Variants in USP13 observed in about 807,000 individuals in gnomAD.
USP13 encodes ubiquitin specific peptidase 13, also known as ubiquitin carboxyl-terminal hydrolase 13.
USP13 carries 68 observed loss-of-function variants against 107.8 expected under a neutral mutation model. That is an observed-to-expected ratio of 0.63 (90% confidence interval 0.52 to 0.77). USP13 has a LOEUF of 0.77. Among genes scored for constraint, USP13 ranks in the 30% least tolerant of loss-of-function variants. The pLI is 0.00. For missense variants in USP13, 945 were observed against 1,093.3 expected (o/e 0.86, Z 1.91); for synonymous variants, 377 against 389.5 (o/e 0.97, Z 0.38).
At position 179,788,145 on chromosome 3, in the gene USP13, G is replaced by A. The variant is rs1419490538; in HGVS notation, c.*4004G>A. On this transcript the variant is annotated 3_prime_UTR_variant, in exon 21 of 21. Coordinates refer to ENST00000263966, the MANE Select transcript of USP13 (RefSeq NM_003940.3). ...TGACAAAATTGTCTACCACAGAAAG[G>A]CCGTCCTTGTCATCTTGTAGGCATC... The A allele has an allele frequency of 6.6e-6, 1 of 152,146 alleles. No individual in the cohort carries two copies. The highest frequency in any genetic ancestry group is 1.5e-5 in the Non-Finnish European group (1 of 68,034). The allele number at this position is 152,146 out of a possible 1,614,324, so 9.4% of individuals were successfully genotyped here.
intron 10 of USP13, among the ~76,000 whole-genome samples, chr3:179,732,657 T>C (rs1041752791): frequency 1.3e-5 from 2 of 152,194 alleles, no homozygotes; most frequent in Non-Finnish European, 2.9e-5. Flanking sequence ...ATCTCCTCAT[T>C]TGAGAAAATG....
At chr3:179,776,565 G>C (rs374014764) in intron 19 of USP13, among the ~76,000 whole-genome samples, 3 of 152,060 alleles carry the variant, frequency 2.0e-5, no homozygotes, top group African/African-American at 7.3e-5. Context: ...GACAAGTTTT[G>C]TGGGGAGGAG....
At chr3:179,710,457 C>A (rs917414867) in intron 6 of USP13, among the ~76,000 whole-genome samples, 2 of 152,178 alleles carry the variant, frequency 1.3e-5, no homozygotes, top group African/African-American at 4.8e-5. Flanking sequence ...AAATTCAGTT[C>A]TCAGAACAGC....
At chr3:179,658,365 A>G (rs901617655) in intron 1 of USP13, among the ~76,000 whole-genome samples, 7 of 152,178 alleles carry the variant, frequency 4.6e-5, no homozygotes, top group African/African-American at 1.7e-4. Context: ...TGCCTGCATT[A>G]CGTAGAGTCT....
At chr3:179,750,267 AAATAAT>A (rs1300084584) in intron 13 of USP13, among the ~76,000 whole-genome samples, 1 of 146,592 alleles carries the variant, frequency 6.8e-6, no homozygotes, top group Non-Finnish European at 1.5e-5. Flanking sequence ...CTCTGTCTCA[AAATAAT>A]AATAATAATA....
intron 6 of USP13, among the ~76,000 whole-genome samples, chr3:179,712,372 C>G (rs530483512): frequency 9.9e-5 from 15 of 152,010 alleles, no homozygotes; most frequent in Non-Finnish European, 1.6e-4. Flanking sequence ...TAAATCAATA[C>G]AAAATACTAG....
At position 179,653,215 on chromosome 3, in the gene USP13, G is replaced by T. The variant is rs1181396362; in HGVS notation, c.-11G>T. 6.7e-7 allele frequency: 1 copy of T among 1,502,760 alleles called. No homozygotes were observed. The highest frequency in any genetic ancestry group is 2.1e-5 in the Admixed American group (1 of 47,764). 93.1% of individuals were successfully genotyped at this position (1,502,760 alleles called of 1,614,324 possible). A position where few individuals can be genotyped will look rare whatever the true frequency, so the allele number is the denominator to read the frequency against. ...GGCTCGGCTCGCTCGGCTCCGGTGCGCGCCGAGGCCATGCAGCGCCGGGGC... is the reference window on the plus strand; with the variant it reads ...GGCTCGGCTCGCTCGGCTCCGGTGCTCGCCGAGGCCATGCAGCGCCGGGGC... On this transcript the variant is annotated 5_prime_UTR_variant, in exon 1 of 21. Coordinates refer to ENST00000263966, the MANE Select transcript of USP13 (RefSeq NM_003940.3). The surrounding 1 kb of genome is among the most constrained non-coding windows in gnomAD (Gnocchi z 4.0).
chr3:179,766,518 G>C lies in USP13; in HGVS notation c.2413+670G>C, dbSNP rs555834068. On this transcript the variant is annotated intron_variant, in intron 19 of 20. Coordinates refer to ENST00000263966, the MANE Select transcript of USP13 (RefSeq NM_003940.3). ...GTAGTAGCAAAGTGGTCTCATCCTT[G>C]ATCATATCGTTACCCGTACCAACTA... Among the ~76,000 whole-genome samples, 11 of 152,278 alleles carry C rather than the reference G, an allele frequency of 7.2e-5. 1 individual carries two copies. The highest frequency in any genetic ancestry group is 2.6e-4 in the African/African-American group (11 of 41,548).
rs150353640 is a variant in USP13 at position 179,768,840 on chromosome 3, CA to C, written c.2413+2993del. On this transcript the variant is annotated intron_variant, in intron 19 of 20. Transcript: ENST00000263966. ...TGCATGAATCAAAGGGAGGGGAAAA[CA>C]TGACTTCCTGTACTTTACTATATTA... Among the ~76,000 whole-genome samples the C allele has an allele frequency of 7.6e-3, 1,164 of 152,248 alleles. 10 individuals are homozygous for C. The highest frequency in any genetic ancestry group is 0.013 in the Non-Finnish European group (868 of 68,016).
intron 20 of USP13, 85 bp downstream of exon 20, chr3:179,781,908 GTTATC>G (rs1715761553): frequency 2.5e-6 from 3 of 1,223,880 alleles, no homozygotes; most frequent in Non-Finnish European, 3.6e-6. Context: ...TACATTGTAT[GTTATC>G]TTATTTGGTT....
At position 179,722,315 on chromosome 3, in the gene USP13, T is replaced by C. The variant is rs1057163891; in HGVS notation, c.1088+726T>C. Among the ~76,000 whole-genome samples the C allele has an allele frequency of 2.0e-5, 3 of 152,262 alleles. No individual in the cohort carries two copies. The East Asian group carries it at 5.8e-4, about 29-fold the overall frequency. On this transcript the variant is annotated intron_variant, in intron 8 of 20. Coordinates refer to ENST00000263966, the MANE Select transcript of USP13 (RefSeq NM_003940.3). The stretch of plus-strand genomic sequence containing the variant: ...TTTAGGGCTTTCATTTTTTGCTACT[T>C]ACAGTGTGGTTCATAGACTAGTGCA...
chr3:179,775,643 G>T (rs1275856464), intron 19 of USP13, among the ~76,000 whole-genome samples: 2 of 152,202 alleles, frequency 1.3e-5, no homozygotes, highest in African/African-American at 2.4e-5. Context: ...CAGGCTGCAG[G>T]TCCCAAGGCC....
intron 19 of USP13, among the ~76,000 whole-genome samples, chr3:179,777,738 A>G (rs920507132): frequency 2.0e-5 from 3 of 152,130 alleles, no homozygotes; most frequent in African/African-American, 7.2e-5. Flanking sequence ...GGCGTTTGCC[A>G]CCATGCCTGG....
chr3:179,761,951 T>C (rs6780128), intron 17 of USP13, among the ~76,000 whole-genome samples: 6,917 of 152,298 alleles, frequency 0.045, 530 homozygotes, highest in African/African-American at 0.16. Flanking sequence ...CTATAATGCA[T>C]ATATTCATCT....
At position 179,653,682 on chromosome 3, in the gene USP13, A is replaced by T. The variant is rs1302822428; in HGVS notation, c.168+289A>T. The T allele has an allele frequency of 1.5e-5, 6 of 402,400 alleles. No homozygotes were observed. The East Asian group carries it at 2.5e-4, about 17-fold the overall frequency. The allele number at this position is 402,400 out of a possible 1,614,324, so 24.9% of individuals were successfully genotyped here. On this transcript the variant is annotated intron_variant, in intron 1 of 20. Transcript: ENST00000263966. This position sits in a 1 kb window ranked among gnomAD's most constrained non-coding sequence, Gnocchi z 4.0. ...CGCCGTTTAAAGATAGATGAAATAC[A>T]AGAGTTCCCTGTTCCGAACTGCACG...
At chr3:179,713,911 G>A (rs1193238542) in intron 6 of USP13, among the ~76,000 whole-genome samples, 1 of 152,128 alleles carries the variant, frequency 6.6e-6, no homozygotes, top group Non-Finnish European at 1.5e-5. Flanking sequence ...TTTCAAAGAA[G>A]CCCTGGTCCC....
intron 1 of USP13, among the ~76,000 whole-genome samples, chr3:179,655,046 T>C (rs1720210129): frequency 6.6e-6 from 1 of 152,134 alleles, no homozygotes; most frequent in South Asian, 2.1e-4. Flanking sequence ...GTATGGCCAG[T>C]GTTGGGCAGT....
At chr3:179,762,036 C>T (rs76754577) in intron 17 of USP13, among the ~76,000 whole-genome samples, 3,598 of 152,238 alleles carry the variant, frequency 0.024, 57 homozygotes, top group Middle Eastern at 0.068. Flanking sequence ...AATTTTAGAA[C>T]ATTTTGTACC....
At chr3:179,694,626 C>G (rs1036572349) in intron 3 of USP13, among the ~76,000 whole-genome samples, 1 of 151,962 alleles carries the variant, frequency 6.6e-6, no homozygotes, top group Admixed American at 6.5e-5. Context: ...GTGGTGAAAC[C>G]CTGTCTCTAC....
Sources: gnomAD v4.1 joint callset for allele counts (sites outside exome capture counted in the v4.1 genomes callset) on GRCh38, gnomAD v4.1.1 for gene constraint, Gnocchi (gnomAD v3.1) non-coding constraint, MANE v1.5 for transcripts, NCBI Gene and HGNC (gene_info 2026-07-23, HGNC 2026-07-21) for gene names.